SANBR: variants seen among roughly 807,000 people sequenced by gnomAD.
SANBR encodes SANT and BTB domain regulator of CSR.
SANBR carries 77 observed loss-of-function variants against 101.8 expected under a neutral mutation model. That is an observed-to-expected ratio of 0.76 (90% confidence interval 0.63 to 0.91). The LOEUF is 0.91. SANBR is among the 40% of genes least tolerant of loss of function. The pLI, the probability that SANBR is intolerant of heterozygous loss-of-function variation, is 0.00. For synonymous variants in SANBR, 279 were observed against 274.7 expected (o/e 1.02, Z -0.15); for missense variants, 875 against 853.0 (o/e 1.03, Z -0.32).
At chr2:61,108,853 A>C (rs1559128691) in intron 15 of SANBR, among the ~76,000 whole-genome samples, 1 of 152,216 alleles carries the variant, frequency 6.6e-6, no homozygotes, top group Non-Finnish European at 1.5e-5. Context: ...CTTGTTTATA[A>C]GACTACTTTA....
At chr2:61,134,112 A>G in intron 20 of SANBR, 1 of 1,613,684 alleles carries the variant, frequency 6.2e-7, no homozygotes, top group Non-Finnish European at 8.5e-7. Flanking sequence ...TGCATAGGGT[A>G]GTGTTATTAT....
In SANBR at chr2:61,088,144, A is replaced by G. The variant is rs374990039; in HGVS notation, c.891-15A>G. On this transcript the variant is annotated splice_polypyrimidine_tract_variant and intron_variant, in intron 8 of 21. Coordinates refer to ENST00000402291, the MANE Select transcript of SANBR (RefSeq NM_001129993.3). ...AGTGTAGAAAATTAATATTTTGGTC[A>G]TTTGTTGTTAATAGCAAACTTTTTT... is the stretch of plus-strand genomic sequence containing the variant. The G allele has an allele frequency of 1.3e-6, 2 of 1,507,562 alleles. No individual in the cohort carries two copies. The highest frequency in any genetic ancestry group is 1.9e-5 in the Admixed American group (1 of 52,722). 93.4% of individuals were successfully genotyped at this position (1,507,562 alleles called of 1,614,324 possible).
intron 20 of SANBR, among the ~76,000 whole-genome samples, chr2:61,118,795 C>T (rs1000198866): frequency 6.6e-6 from 1 of 151,690 alleles, no homozygotes; most frequent in Non-Finnish European, 1.5e-5. Context: ...CTTTTGACCT[C>T]GTGATCTGCC....
At chr2:61,073,392 C>A in intron 4 of SANBR, 66 bp from the exon 5 acceptor site, 1 of 704,008 alleles carries the variant, frequency 1.4e-6, no homozygotes, top group Non-Finnish European at 2.4e-6. Context: ...AATAAAAACC[C>A]ATTCTCAGCT....
chr2:61,133,419 G>A (rs1381450108), intron 20 of SANBR, among the ~76,000 whole-genome samples: 3 of 151,946 alleles, frequency 2.0e-5, no homozygotes, highest in African/African-American at 7.3e-5. Context: ...TCATTAAATT[G>A]TACACTTTTG....
At chr2:61,121,415 C>A in intron 21 of SANBR, 139 bp downstream of exon 21, 1 of 517,060 alleles carries the variant, frequency 1.9e-6, no homozygotes, top group Non-Finnish European at 3.5e-6. Flanking sequence ...TATCAAGGCA[C>A]TAATTAGAAA....
chr2:61,123,586 GT>G lies in SANBR; in HGVS notation c.*1432del, dbSNP rs537190135. The stretch of plus-strand genomic sequence containing the variant: ...TGTAAGTACTCTGTTAAATACCAGA[GT>G]TTTTTTTGTAGTTTACTGTGTTTTC... On this transcript the variant is annotated 3_prime_UTR_variant, in exon 22 of 22. Transcript: ENST00000402291. The G allele has an allele frequency of 4.1e-6, 4 of 976,820 alleles. No homozygotes were observed. The highest frequency in any genetic ancestry group is 1.8e-5 in the African/African-American group (1 of 56,974). The allele number at this position is 976,820 out of a possible 1,614,324, so 60.5% of individuals were successfully genotyped here.
chr2:61,109,715 C>G (rs894233232), intron 16 of SANBR, among the ~76,000 whole-genome samples: 1 of 133,566 alleles, frequency 7.5e-6, no homozygotes, highest in Non-Finnish European at 1.5e-5. Flanking sequence ...CAGAGTCTCA[C>G]TCTGTCACAG....
chr2:61,118,191 A>G (rs1684168462), intron 20 of SANBR, 75 bp downstream of exon 20: 1 of 983,846 alleles, frequency 1.0e-6, no homozygotes, highest in Non-Finnish European at 1.5e-6. Flanking sequence ...TTAGGATTAT[A>G]AAGATGTCTT....
chr2:61,107,068 T>TGG (rs1573645910), intron 14 of SANBR, among the ~76,000 whole-genome samples: 2 of 151,360 alleles, frequency 1.3e-5, no homozygotes, highest in African/African-American at 4.9e-5. Context: ...GCTGGGAGGC[T>TGG]GAGGTGGGAA....
At chr2:61,090,948 A>T (rs1474394501) in intron 10 of SANBR, among the ~76,000 whole-genome samples, 1 of 142,796 alleles carries the variant, frequency 7.0e-6, no homozygotes, top group African/African-American at 2.6e-5. Context: ...TCACTCTGTC[A>T]CCCAGGCTGG....
chr2:61,103,994 G>C lies in SANBR; in HGVS notation c.1507G>C (p.Val503Leu), dbSNP rs1233335150. The change falls in exon 13 of 22, where the codon GTT becomes CTT. Residue 503 changes from valine to leucine, a missense_variant. Physicochemically the swap from Val to Leu is conservative, Grantham distance 32 (BLOSUM62 1). Coordinates refer to ENST00000402291, the MANE Select transcript of SANBR (RefSeq NM_001129993.3). The stretch of plus-strand genomic sequence containing the variant: ...TGTTGTGCCTTTTTCAAAAGATACA[G>C]TTAGGTGAGGGGTGGAAAAACCCAA... The part of the protein sequence containing the change: ...VIVVPFSKDT[V>L]SDVGVGLCDE... The C allele has an allele frequency of 4.3e-6, 7 of 1,613,830 alleles. No individual in the cohort carries two copies. Among genetic ancestry groups the C allele is most frequent in the Non-Finnish European group, 5.1e-6 (6 of 1,179,856 alleles).
intron 11 of SANBR, chr2:61,093,336 C>G (rs1181805314): frequency 6.6e-6 from 1 of 152,184 alleles, no homozygotes; most frequent in Non-Finnish European, 1.5e-5. Context: ...TGGCTCACGC[C>G]TGTAATCCCA....
rs1682238825 is a variant in SANBR at position 61,083,279 on chromosome 2, T to C, written c.855T>C (p.Val285=). The C allele has an allele frequency of 6.2e-7, 1 of 1,609,144 alleles. No individual in the cohort carries two copies. Among genetic ancestry groups the C allele is most frequent in the African/African-American group, 1.3e-5 (1 of 74,854 alleles). ...RIADLFSHNE[V]DDLKDKKDKF... Reference sequence around the variant, plus strand: ...CTGATCTGTTCTCACACAATGAAGTTGATGATTTAAAGGACAAAAAAGATA... The same window carrying C: ...CTGATCTGTTCTCACACAATGAAGTCGATGATTTAAAGGACAAAAAAGATA... Residue 285 remains valine, a synonymous_variant, in exon 8 of 22, where the codon GTT becomes GTC. Transcript: ENST00000402291.
chr2:61,091,047 C>G (rs1682729089), intron 10 of SANBR, among the ~76,000 whole-genome samples: 1 of 151,846 alleles, frequency 6.6e-6, no homozygotes, highest in African/African-American at 2.4e-5. Flanking sequence ...CCCGAGTAAG[C>G]CTCTCTGGCC....
At position 61,104,398 on chromosome 2, in the gene SANBR, C is replaced by T. The variant is rs1052941964; in HGVS notation, c.1511+400C>T. On this transcript the variant is annotated intron_variant, in intron 13 of 21. Transcript: ENST00000402291. ...TTGGGAGGCTGAGGCAGGAGAATGG[C>T]GTGAACCCGGGAGGTGGAGCTGGCA... Among the ~76,000 whole-genome samples, 8 of 151,130 alleles carry T rather than the reference C, an allele frequency of 5.3e-5. No individual in the cohort carries two copies. In the South Asian group the frequency reaches 6.2e-4, roughly 12 times the overall value.
chr2:61,114,157 C>G (rs913579087), intron 16 of SANBR, among the ~76,000 whole-genome samples: 1 of 152,188 alleles, frequency 6.6e-6, no homozygotes. Flanking sequence ...AGATGAATAA[C>G]TTACACTGAC....
At chr2:61,092,713 A>G (rs1248713134) in intron 11 of SANBR, 126 bp downstream of exon 11, 1 of 763,136 alleles carries the variant, frequency 1.3e-6, no homozygotes, top group Non-Finnish European at 1.9e-6. Flanking sequence ...TAAAGAAACT[A>G]GTGGCAGCTG....
At chr2:61,135,790 A>C (rs1452663600) in intron 21 of SANBR, among the ~76,000 whole-genome samples, 1 of 152,230 alleles carries the variant, frequency 6.6e-6, no homozygotes, top group South Asian at 2.1e-4. Flanking sequence ...TATAGCTAAA[A>C]TACGTAGGGA....
Sources: allele counts gnomAD v4.1 joint callset (sites outside exome capture counted in the v4.1 genomes callset), GRCh38; gene constraint gnomAD v4.1.1; transcripts MANE v1.5; gene names NCBI Gene and HGNC (gene_info 2026-07-23, HGNC 2026-07-21).